WDR49: variants seen among roughly 807,000 people sequenced by gnomAD.
The protein encoded by WDR49 is cilia- and flagella-associated protein 337.
WDR49 carries 107 observed loss-of-function variants against 119.5 expected under a neutral mutation model. The ratio of observed to expected loss-of-function variants is 0.90; its 90% confidence interval spans 0.77 to 1.05. The LOEUF (loss-of-function observed/expected upper bound fraction) is 1.05. Ranked by LOEUF, WDR49 falls within the 50% of genes least tolerant of loss-of-function variation. The probability of loss-of-function intolerance (pLI) is 0.00; values close to 1 mark genes in which losing one functional copy is unlikely to be tolerated. For synonymous variants in WDR49, 425 were observed against 418.8 expected (o/e 1.01, Z -0.18); for missense variants, 1,240 against 1,220.5 (o/e 1.02, Z -0.24).
At position 167,480,169 on chromosome 3, in the gene WDR49, A is replaced by G. The variant is rs373439150; in HGVS notation, c.3032-1173T>C. On this transcript the variant is annotated intron_variant, in intron 18 of 18. Transcript: ENST00000682715. ...GAGGCTGAGGTAGGAGAATTGCTTG[A>G]ACCCAGGAGGCAGAGTTTGCAGTGA... 1.0e-4 allele frequency among the ~76,000 whole-genome samples: 15 copies of G among 150,244 alleles called. 1 individual carries two copies. Among genetic ancestry groups the G allele is most frequent in the Admixed American group, 9.3e-4 (14 of 15,006 alleles).
At chr3:167,537,102 C>T in intron 10 of WDR49, 102 bp from the exon 11 acceptor site, 1 of 1,188,522 alleles carries the variant, frequency 8.4e-7, no homozygotes, top group South Asian at 3.1e-5. Context: ...TTTTAAAAGA[C>T]TATGCTGCCC....
chr3:167,570,499 T>G lies in WDR49; in HGVS notation c.1509+5419A>C, dbSNP rs760248812. Among the ~76,000 whole-genome samples the G allele has an allele frequency of 3.3e-5, 5 of 152,350 alleles. No homozygotes were observed. In the East Asian group the frequency reaches 7.7e-4, roughly 23 times the overall value. On this transcript the variant is annotated intron_variant, in intron 8 of 18. Transcript: ENST00000682715. Reference sequence around the variant, plus strand: ...GTTTATTATAAATTTTGGATATGCATATGTATACATAGAGCTGTTTGGACT... The same window carrying G: ...GTTTATTATAAATTTTGGATATGCAGATGTATACATAGAGCTGTTTGGACT...
intron 2 of WDR49, among the ~76,000 whole-genome samples, chr3:167,636,855 G>A (rs762499248): frequency 2.0e-5 from 3 of 150,976 alleles, no homozygotes; most frequent in Non-Finnish European, 3.0e-5. Flanking sequence ...TTTTTTTCTT[G>A]CTAATTTGTT....
At chr3:167,505,524 A>T (rs1490727299) in intron 16 of WDR49, 108 bp from the exon 17 acceptor site, 1 of 1,327,464 alleles carries the variant, frequency 7.5e-7, no homozygotes, top group African/African-American at 1.5e-5. Context: ...AAAAACAAAA[A>T]ATCTATTCCT....
At chr3:167,576,954 T>G (rs748941858) in intron 7 of WDR49, among the ~76,000 whole-genome samples, 1 of 152,110 alleles carries the variant, frequency 6.6e-6, no homozygotes, top group Non-Finnish European at 1.5e-5. Context: ...TACATATGTA[T>G]GTATGTGTAT....
intron 18 of WDR49, among the ~76,000 whole-genome samples, chr3:167,492,212 G>T (rs1026561287): frequency 2.0e-5 from 3 of 151,512 alleles, no homozygotes; most frequent in Admixed American, 1.3e-4. Context: ...CTTCTGAAAA[G>T]GAGAGGAACA....
intron 10 of WDR49, among the ~76,000 whole-genome samples, chr3:167,554,130 A>G (rs1181320231): frequency 6.6e-6 from 1 of 152,140 alleles, no homozygotes; most frequent in Non-Finnish European, 1.5e-5. Flanking sequence ...CTGTCAGGAA[A>G]AAAAAAGGAA....
chr3:167,599,163 C>A (rs1057254040), intron 7 of WDR49, among the ~76,000 whole-genome samples: 1 of 152,182 alleles, frequency 6.6e-6, no homozygotes. Context: ...TGTGTCCTTC[C>A]CTTCAGGGCA....
At chr3:167,609,906 C>A (rs1018607471) in intron 5 of WDR49, among the ~76,000 whole-genome samples, 1 of 152,130 alleles carries the variant, frequency 6.6e-6, no homozygotes, top group Non-Finnish European at 1.5e-5. Flanking sequence ...CTGTCACAGG[C>A]CCTCAATCCT....
intron 5 of WDR49, among the ~76,000 whole-genome samples, chr3:167,605,995 A>T (rs1232055490): frequency 6.6e-6 from 1 of 152,172 alleles, no homozygotes; most frequent in Non-Finnish European, 1.5e-5. Flanking sequence ...TTGACTATTG[A>T]AACTTGGCTT....
Position 167,626,929 on chromosome 3 carries a change from A to T in WDR49, c.529T>A (p.Phe177Ile). The change falls in exon 3 of 19, where the codon TTC becomes ATC. Residue 177 changes from phenylalanine (F) to isoleucine (I), a missense_variant. Physicochemically the swap from Phe to Ile is conservative, Grantham distance 21. Coordinates refer to ENST00000682715, the MANE Select transcript of WDR49 (RefSeq NM_001366157.1). ...TTGGTGGCATCTGAAGTGATGGGGA[A>T]TGTTTCTTGCAGCTTTAAATGCTCT... ...WGEHLKLQETFPITSDATKLK... is the reference protein window; with the variant it reads ...WGEHLKLQETIPITSDATKLK... 1 of 1,301,128 alleles carries T rather than the reference A, an allele frequency of 7.7e-7. No homozygotes were observed. The highest frequency in any genetic ancestry group is 9.7e-7 in the Non-Finnish European group (1 of 1,026,056). The allele number at this position is 1,301,128 out of a possible 1,614,324, so 80.6% of individuals were successfully genotyped here.
chr3:167,541,910 C>A (rs1034149577), intron 10 of WDR49, among the ~76,000 whole-genome samples: 1 of 151,754 alleles, frequency 6.6e-6, no homozygotes, highest in East Asian at 1.9e-4. Flanking sequence ...ATTCTTATAT[C>A]AGACAAAACA....
intron 14 of WDR49, 97 bp downstream of exon 14, chr3:167,528,955 C>T: frequency 7.0e-6 from 7 of 992,988 alleles, no homozygotes; most frequent in African/African-American, 1.7e-5. Context: ...ACATTTTTTC[C>T]TTTGTTTAGG....
intron 7 of WDR49, among the ~76,000 whole-genome samples, chr3:167,590,636 G>A (rs750767390): frequency 2.2e-4 from 33 of 151,938 alleles, no homozygotes; most frequent in Non-Finnish European, 4.3e-4. Context: ...TTGGTAGTTC[G>A]TATATGTCTA....
intron 18 of WDR49, among the ~76,000 whole-genome samples, chr3:167,479,218 T>C (rs1297437918): frequency 6.6e-6 from 1 of 152,162 alleles, no homozygotes; most frequent in Non-Finnish European, 1.5e-5. Context: ...TTTTAATGCA[T>C]ATATCTTAAT....
chr3:167,527,316 C>A (rs1426915473), intron 15 of WDR49, among the ~76,000 whole-genome samples: 1 of 152,084 alleles, frequency 6.6e-6, no homozygotes, highest in East Asian at 1.9e-4. Flanking sequence ...TCTTGAAAAA[C>A]ATCTTAGAAC....
At chr3:167,552,729 T>A (rs1712647148) in intron 10 of WDR49, among the ~76,000 whole-genome samples, 1 of 152,016 alleles carries the variant, frequency 6.6e-6, no homozygotes, top group Admixed American at 6.6e-5. Context: ...TCCGAGATGA[T>A]GCTAAGGATT....
intron 5 of WDR49, among the ~76,000 whole-genome samples, chr3:167,608,471 A>C (rs1716169964): frequency 6.6e-6 from 1 of 152,178 alleles, no homozygotes; most frequent in Non-Finnish European, 1.5e-5. Flanking sequence ...TTAAATCTGC[A>C]GGTTACAAAA....
chr3:167,628,424 G>A (rs968837608), intron 2 of WDR49, among the ~76,000 whole-genome samples: 6 of 152,090 alleles, frequency 3.9e-5, no homozygotes, highest in East Asian at 1.9e-4. Flanking sequence ...CTTTGAACAC[G>A]TTAATGATAT....
Sources: allele counts gnomAD v4.1 joint callset (sites outside exome capture counted in the v4.1 genomes callset), GRCh38; gene constraint gnomAD v4.1.1; transcripts MANE v1.5; gene names NCBI Gene and HGNC (gene_info 2026-07-23, HGNC 2026-07-21).